The following IL21R variants were observed in gnomAD, a reference collection of about 807,000 sequenced individuals.
IL21R encodes the protein interleukin-21 receptor.
A neutral mutation model predicts 41.3 loss-of-function variants in IL21R; 14 were observed. The ratio of observed to expected loss-of-function variants is 0.34; its 90% confidence interval spans 0.22 to 0.53. The LOEUF (loss-of-function observed/expected upper bound fraction) is 0.53, where lower values mean the gene tolerates loss of function less well. Ranked by LOEUF, IL21R falls within the 20% of genes least tolerant of loss-of-function variation. The pLI is 0.94. For missense variants in IL21R, 588 were observed against 681.6 expected, an observed-to-expected ratio of 0.86 and a Z score of 1.53; for synonymous variants, 286 against 287.6, an observed-to-expected ratio of 0.99 and a Z score of 0.05.
At chr16:27,430,027 G>T (rs1245377833) in intron 1 of IL21R, 29 bp from the exon 2 acceptor site, 2 of 1,598,898 alleles carry the variant, frequency 1.3e-6, no homozygotes, top group Admixed American at 1.7e-5. Context: ...AGCCCGCCTG[G>T]CTCACCCTCC....
In IL21R at chr16:27,437,557, C is replaced by T. The variant is rs1159862183; in HGVS notation, c.222C>T (p.Ala74=). The change falls in exon 4 of 9, where the codon GCC becomes GCT. Residue 74 remains alanine, a synonymous_variant. Transcript: ENST00000337929. Reference sequence around the variant, plus strand: ...GCCTCCACAGGTCGGCCCACAATGCCACGCATGCCACCTACACCTGCCACA... The same window carrying T: ...GCCTCCACAGGTCGGCCCACAATGCTACGCATGCCACCTACACCTGCCACA... ...SCSLHRSAHN[A]THATYTCHMD... 1.9e-6 allele frequency: 3 copies of T among 1,614,092 alleles called. No individual in the cohort carries two copies. Among genetic ancestry groups the T allele is most frequent in the East Asian group, 2.2e-5 (1 of 44,900 alleles).
At chr16:27,432,568 A>G (rs973916831) in intron 2 of IL21R, among the ~76,000 whole-genome samples, 2 of 152,164 alleles carry the variant, frequency 1.3e-5, no homozygotes, top group African/African-American at 4.8e-5. Flanking sequence ...CTGGCTAGGA[A>G]TGGTAGCTCC....
intron 4 of IL21R, among the ~76,000 whole-genome samples, chr16:27,439,540 ACATACT>A (rs1457276392): frequency 6.6e-6 from 1 of 151,306 alleles, no homozygotes; most frequent in Non-Finnish European, 1.5e-5. Context: ...GCACATATAC[ACATACT>A]CATACACTCT....
chr16:27,414,477 A>C (rs2086867738), intron 1 of IL21R, among the ~76,000 whole-genome samples: 1 of 151,948 alleles, frequency 6.6e-6, no homozygotes, highest in African/African-American at 2.4e-5. Context: ...TTTTTAGATT[A>C]TTTATGGGAA....
chr16:27,418,048 TTA>T (rs1220508560), intron 1 of IL21R, among the ~76,000 whole-genome samples: 2 of 145,178 alleles, frequency 1.4e-5, no homozygotes, highest in Non-Finnish European at 3.0e-5. Context: ...TTATTTTATT[TTA>T]TTTTATTTTA....
intron 2 of IL21R, among the ~76,000 whole-genome samples, chr16:27,432,896 G>C (rs1291836406): frequency 1.3e-5 from 2 of 152,204 alleles, no homozygotes; most frequent in Non-Finnish European, 2.9e-5. Context: ...CATGTGTGCG[G>C]CTATGAAAAA....
At chr16:27,434,985 A>T (rs2087242967) in intron 3 of IL21R, among the ~76,000 whole-genome samples, 1 of 152,186 alleles carries the variant, frequency 6.6e-6, no homozygotes, top group Non-Finnish European at 1.5e-5. Context: ...TTTATAGGCC[A>T]GGTGCAGTGG....
At chr16:27,418,004 CTATTTTATTTATTTTATTTTATTTT>C (rs201694671) in intron 1 of IL21R, among the ~76,000 whole-genome samples, 11 of 134,656 alleles carry the variant, frequency 8.2e-5, no homozygotes, top group East Asian at 2.1e-4. Flanking sequence ...AACATTTTTC[CTATTTTATTTATTTTATTTTATTTT>C]ATTTTATTTT....
chr16:27,446,447 T>G (rs1355372792), intron 8 of IL21R, among the ~76,000 whole-genome samples: 1 of 151,510 alleles, frequency 6.6e-6, no homozygotes, highest in African/African-American at 2.4e-5. Flanking sequence ...TACCAAAAAC[T>G]TAAAAATCAT....
intron 2 of IL21R, 57 bp from the exon 3 acceptor site, chr16:27,434,290 A>C: frequency 9.3e-7 from 1 of 1,075,772 alleles, no homozygotes; most frequent in Non-Finnish European, 1.4e-6. Context: ...ATGGAGAGGA[A>C]GCTCTGCAGT....
chr16:27,442,747 G>A (rs913773166), intron 4 of IL21R: 9 of 452,076 alleles, frequency 2.0e-5, no homozygotes, highest in Non-Finnish European at 2.8e-5. Flanking sequence ...TCCTGATCAG[G>A]TCTAAATCTC....
chr16:27,420,723 G>A (rs568603228), intron 1 of IL21R, among the ~76,000 whole-genome samples: 80 of 152,172 alleles, frequency 5.3e-4, no homozygotes, highest in Non-Finnish European at 3.8e-4. Context: ...ACAAATACGT[G>A]ATTTGCAAAT....
chr16:27,434,315 C>CA (rs550328169), intron 2 of IL21R, 32 bp from the exon 3 acceptor site: 309 of 1,413,814 alleles, frequency 2.2e-4, no homozygotes, highest in Non-Finnish European at 2.8e-4. Flanking sequence ...AGCCACCCCC[C>CA]ACCAAGGCCT....
At chr16:27,437,282 G>C (rs773285129) in intron 3 of IL21R, among the ~76,000 whole-genome samples, 2 of 152,110 alleles carry the variant, frequency 1.3e-5, no homozygotes, top group African/African-American at 4.8e-5. Flanking sequence ...AGCTGAGCCC[G>C]GACACAATTC....
intron 3 of IL21R, among the ~76,000 whole-genome samples, chr16:27,436,193 T>C (rs2087266946): frequency 6.6e-6 from 1 of 152,194 alleles, no homozygotes; most frequent in Non-Finnish European, 1.5e-5. Context: ...TCCCAAAGTG[T>C]TGGGATTACA....
chr16:27,404,225 C>G (rs529634063), intron 1 of IL21R, among the ~76,000 whole-genome samples: 2 of 152,262 alleles, frequency 1.3e-5, no homozygotes, highest in East Asian at 3.9e-4. Context: ...TGTCCGGATC[C>G]TTACTCAGTC....
intron 1 of IL21R, among the ~76,000 whole-genome samples, chr16:27,404,678 A>C (rs1026480555): frequency 6.6e-6 from 1 of 152,042 alleles, no homozygotes; most frequent in Non-Finnish European, 1.5e-5. Flanking sequence ...TAGATGGGGG[A>C]ACTGGAACTG....
intron 3 of IL21R, among the ~76,000 whole-genome samples, chr16:27,435,771 TTC>T (rs1172613732): frequency 2.0e-5 from 3 of 151,250 alleles, no homozygotes; most frequent in African/African-American, 7.3e-5. Context: ...GACACTTTCT[TTC>T]TTTCTTTTTT....
intron 1 of IL21R, among the ~76,000 whole-genome samples, chr16:27,417,163 C>CTTTTTTTTTTT (rs577149386): frequency 7.9e-6 from 1 of 126,624 alleles, no homozygotes; most frequent in Non-Finnish European, 1.6e-5. Context: ...TTTTTCTTTT[C>CTTTTTTTTTTT]TTTTTTTTTT....
Sources: allele counts gnomAD v4.1 joint callset (sites outside exome capture counted in the v4.1 genomes callset), GRCh38; gene constraint gnomAD v4.1.1; transcripts MANE v1.5; gene names NCBI Gene and HGNC (gene_info 2026-07-23, HGNC 2026-07-21).